CPS1: variants seen among roughly 807,000 people sequenced by gnomAD.
CPS1 encodes the protein carbamoyl-phosphate synthase [ammonia], mitochondrial.
A neutral mutation model predicts 174.6 loss-of-function variants in CPS1; 109 were observed. That is an observed-to-expected ratio of 0.62 (90% confidence interval 0.53 to 0.73). The LOEUF (loss-of-function observed/expected upper bound fraction) is 0.73. Ranked by LOEUF, CPS1 falls within the 30% of genes least tolerant of loss-of-function variation. The pLI is 0.00. For synonymous variants in CPS1, 637 were observed against 632.0 expected (o/e 1.01, Z -0.12); for missense variants, 1,689 against 1,821.9 (o/e 0.93, Z 1.33).
Position 210,579,719 on chromosome 2 carries a change from T to A in CPS1, c.477T>A (p.Pro159=). 6.2e-7 allele frequency: 1 copy of A among 1,612,872 alleles called. No individual in the cohort carries two copies. Among genetic ancestry groups the A allele is most frequent in the South Asian group, 1.1e-5 (1 of 91,064 alleles). The change falls in exon 5 of 38, where the codon CCT becomes CCA. Residue 159 remains proline (P), a synonymous_variant. Transcript: ENST00000233072. ...LGQWLQEEKV[P]AIYGVDTRML... ...CTACAATTTTTTTCTTATAGGTTCC[T>A]GCAATTTATGGAGTGGACACAAGAA...
intron 22 of CPS1, among the ~76,000 whole-genome samples, chr2:210,638,742 A>G (rs1700115579): frequency 6.6e-6 from 1 of 152,138 alleles, no homozygotes; most frequent in South Asian, 2.1e-4. Flanking sequence ...GCTCAGTGCC[A>G]CAGGCCACTT....
In CPS1 at chr2:210,556,862, A is replaced by G. The variant is rs542380230; in HGVS notation, c.126+3A>G. ...GCATCAGGCTCCTTTCTGTCAAGGT[A>G]ATACCCATATTGATTGTTTCTGATA... On this transcript the variant is annotated splice_donor_region_variant and intron_variant, in intron 1 of 37. Transcript: ENST00000233072. 3.1e-6 allele frequency: 5 copies of G among 1,612,796 alleles called. No individual in the cohort carries two copies. In the South Asian group the frequency reaches 5.5e-5, roughly 18 times the overall value.
intron 21 of CPS1, among the ~76,000 whole-genome samples, chr2:210,620,342 A>G (rs1425045812): frequency 6.6e-6 from 1 of 152,136 alleles, no homozygotes; most frequent in Non-Finnish European, 1.5e-5. Flanking sequence ...AGTAGAAATT[A>G]TAATCAGAAA....
chr2:210,523,128 CT>C (rs997355647), intron 1 of CPS1, among the ~76,000 whole-genome samples: 6 of 151,976 alleles, frequency 3.9e-5, no homozygotes, highest in Admixed American at 3.3e-4. Flanking sequence ...ATCTAAGCCT[CT>C]GTTTTGTCAT....
chr2:210,613,489 C>A (rs909302973), intron 20 of CPS1, among the ~76,000 whole-genome samples: 1 of 151,624 alleles, frequency 6.6e-6, no homozygotes, highest in African/African-American at 2.4e-5. Flanking sequence ...TTTTAGAAAG[C>A]CATTTCACCT....
intron 3 of CPS1, 108 bp from the exon 4 acceptor site, chr2:210,577,313 T>G (rs1251894015): frequency 2.3e-6 from 2 of 862,052 alleles, no homozygotes; most frequent in African/African-American, 3.3e-5. Context: ...AAATCCTAAG[T>G]CTCATGTCAG....
chr2:210,663,825 T>C (rs1043634136), intron 33 of CPS1, among the ~76,000 whole-genome samples: 52 of 152,218 alleles, frequency 3.4e-4, no homozygotes, highest in African/African-American at 1.2e-3. Context: ...TCCATGTCAG[T>C]GTCAGGACAT....
intron 21 of CPS1, among the ~76,000 whole-genome samples, chr2:210,629,481 A>AT (rs1221116852): frequency 2.6e-5 from 4 of 151,270 alleles, no homozygotes; most frequent in Non-Finnish European, 5.9e-5. Flanking sequence ...CGCCCAGCTA[A>AT]TTTTTTTGTA....
chr2:210,657,068 A>G (rs1452406002), intron 30 of CPS1, among the ~76,000 whole-genome samples: 1 of 152,146 alleles, frequency 6.6e-6, no homozygotes, highest in African/African-American at 2.4e-5. Context: ...GGCCACACAC[A>G]GGTGAGCGGC....
intron 21 of CPS1, among the ~76,000 whole-genome samples, chr2:210,633,349 T>G (rs1699930113): frequency 6.6e-6 from 1 of 152,124 alleles, no homozygotes; most frequent in African/African-American, 2.4e-5. Context: ...CAATCAACCT[T>G]TTTCTTTTCT....
intron 1 of CPS1, among the ~76,000 whole-genome samples, chr2:210,513,062 A>T (rs1247681229): frequency 2.4e-5 from 1 of 42,406 alleles, no homozygotes; most frequent in African/African-American, 6.5e-5. Flanking sequence ...ATATATGGAG[A>T]TATATATGTG....
At chr2:210,544,576 A>T (rs1231441631) in intron 1 of CPS1, among the ~76,000 whole-genome samples, 1 of 152,032 alleles carries the variant, frequency 6.6e-6, no homozygotes, top group Non-Finnish European at 1.5e-5. Context: ...ACATTTATAT[A>T]TGTAAATATT....
At chr2:210,593,428 C>A in intron 11 of CPS1, 1 of 1,032,176 alleles carries the variant, frequency 9.7e-7, no homozygotes, top group Non-Finnish European at 1.2e-6. Flanking sequence ...GGCATGCATG[C>A]ACATACATAG....
chr2:210,485,284 G>A (rs1374772649), intron 1 of CPS1, among the ~76,000 whole-genome samples: 2 of 151,256 alleles, frequency 1.3e-5, no homozygotes, highest in African/African-American at 4.9e-5. Flanking sequence ...AGACATAATG[G>A]ACATAAGTAA....
At chr2:210,617,770 C>A (rs1270994842) in intron 21 of CPS1, 2 of 151,922 alleles carry the variant, frequency 1.3e-5, no homozygotes, top group African/African-American at 4.8e-5. Context: ...AGGAATTGAA[C>A]CTATACATTT....
At chr2:210,515,530 C>A (rs2105981426) in intron 1 of CPS1, among the ~76,000 whole-genome samples, 1 of 151,790 alleles carries the variant, frequency 6.6e-6, no homozygotes, top group Non-Finnish European at 1.5e-5. Flanking sequence ...TTTTGTATTT[C>A]TGTGGGATTG....
At chr2:210,547,513 A>C (rs1161764806) in intron 1 of CPS1, among the ~76,000 whole-genome samples, 1 of 152,076 alleles carries the variant, frequency 6.6e-6, no homozygotes, top group African/African-American at 2.4e-5. Context: ...TATATTAAAA[A>C]TGAACAAAAA....
chr2:210,484,981 C>A (rs1694675969), intron 1 of CPS1, among the ~76,000 whole-genome samples: 1 of 152,042 alleles, frequency 6.6e-6, no homozygotes, highest in Non-Finnish European at 1.5e-5. Context: ...GTAATCCCAG[C>A]ACTTTGGGAG....
rs750243323 is a variant in CPS1, at chr2:210,642,560, G to T, written c.3036G>T (p.Val1012=). Residue 1012 remains valine (V), a synonymous_variant, in exon 25 of 38, where the codon GTG becomes GTT. Coordinates refer to ENST00000233072, the MANE Select transcript of CPS1 (RefSeq NM_001875.5). ...GTCAACTTGGCAAGAAGACGGTGGT[G>T]GTGAATTGCAATCCTGAGACTGTGA... ...TLRQLGKKTV[V]VNCNPETVST... The T allele has an allele frequency of 6.2e-7, 1 of 1,613,876 alleles. No individual in the cohort carries two copies. Among genetic ancestry groups the T allele is most frequent in the East Asian group, 2.2e-5 (1 of 44,894 alleles).
Sources: allele counts gnomAD v4.1 joint callset (sites outside exome capture counted in the v4.1 genomes callset), GRCh38; gene constraint gnomAD v4.1.1; transcripts MANE v1.5; gene names NCBI Gene and HGNC (gene_info 2026-07-23, HGNC 2026-07-21).